TRPC4: variants seen among roughly 807,000 people sequenced by gnomAD.
TRPC4 encodes the protein transient receptor potential cation channel subfamily C member 4.
In TRPC4, 49 loss-of-function variants were observed where a neutral mutation model predicts 99.4. The observed-to-expected ratio is 0.49, with a 90% CI of 0.39 to 0.63. The LOEUF is 0.63. Among genes scored for constraint, TRPC4 ranks in the 20% least tolerant of loss-of-function variants. TRPC4 has a pLI of 0.00. For synonymous variants in TRPC4, 454 were observed against 425.9 expected, an observed-to-expected ratio of 1.07 and a Z score of -0.81; for missense variants, 898 against 1,152.9, an observed-to-expected ratio of 0.78 and a Z score of 3.20.
intron 3 of TRPC4, among the ~76,000 whole-genome samples, chr13:37,704,921 T>C (rs1405524712): frequency 6.6e-6 from 1 of 152,112 alleles, no homozygotes; most frequent in Non-Finnish European, 1.5e-5. Flanking sequence ...AGAACTACCA[T>C]ATGGTCCAGC....
At chr13:37,842,629 C>T (rs1020458466) in intron 1 of TRPC4, among the ~76,000 whole-genome samples, 2 of 152,108 alleles carry the variant, frequency 1.3e-5, no homozygotes, top group African/African-American at 4.8e-5. Flanking sequence ...CACCTTCTTG[C>T]TGTGTTCCCA....
intron 1 of TRPC4, among the ~76,000 whole-genome samples, chr13:37,853,942 CA>C (rs1343377341): frequency 6.6e-6 from 1 of 151,810 alleles, no homozygotes; most frequent in Non-Finnish European, 1.5e-5. Flanking sequence ...AAAATAGCCT[CA>C]AAAGGGTAAA....
chr13:37,700,402 G>A (rs1265330500), intron 3 of TRPC4, among the ~76,000 whole-genome samples: 2 of 152,130 alleles, frequency 1.3e-5, no homozygotes, highest in African/African-American at 2.4e-5. Flanking sequence ...CCACACAGAG[G>A]AGTGGCATGT....
intron 2 of TRPC4, among the ~76,000 whole-genome samples, chr13:37,771,611 A>G (rs1039113136): frequency 6.6e-6 from 1 of 151,442 alleles, no homozygotes; most frequent in African/African-American, 2.4e-5. Flanking sequence ...GAAAGCAGAT[A>G]TAAAGAACAA....
At chr13:37,657,176 C>T (rs183007170) in intron 6 of TRPC4, among the ~76,000 whole-genome samples, 5 of 152,234 alleles carry the variant, frequency 3.3e-5, no homozygotes, top group Non-Finnish European at 5.9e-5. Flanking sequence ...TGTAAAATGA[C>T]GGAACAACAG....
intron 1 of TRPC4, among the ~76,000 whole-genome samples, chr13:37,784,989 G>T (rs1956933714): frequency 6.6e-6 from 1 of 152,010 alleles, no homozygotes; most frequent in Non-Finnish European, 1.5e-5. Context: ...AAAAGTGAGT[G>T]TTCAATATGT....
intron 8 of TRPC4, among the ~76,000 whole-genome samples, chr13:37,644,341 C>T (rs894363216): frequency 6.6e-6 from 1 of 151,822 alleles, no homozygotes; most frequent in Non-Finnish European, 1.5e-5. Flanking sequence ...TAATGAAAGC[C>T]ATTTCATTTA....
rs368689299 is a variant in TRPC4, at chr13:37,672,719, C to T, written c.1374+1509G>A. Among the ~76,000 whole-genome samples the T allele has an allele frequency of 1.4e-4, 22 of 152,328 alleles. 1 individual carries two copies. In the South Asian group the frequency reaches 3.5e-3, roughly 24 times the overall value. ...AGCTAGGCGCTTAATCACAGACTGC[C>T]TACCTCTTACAGAAATGCATAATCT... On this transcript the variant is annotated intron_variant, in intron 5 of 10. Transcript: ENST00000379705.
chr13:37,848,961 C>A lies in TRPC4; in HGVS notation c.-28+20634G>T, dbSNP rs151190527. ...AACTATCTTGAGTATAGATAATATG[C>A]CTAAAGTCCTGCAGATGGTACCCTA... On this transcript the variant is annotated intron_variant, in intron 1 of 10. Coordinates refer to ENST00000379705, the MANE Select transcript of TRPC4 (RefSeq NM_016179.4). Among the ~76,000 whole-genome samples the A allele has an allele frequency of 2.6e-4, 39 of 152,180 alleles. No homozygotes were observed. In the South Asian group the frequency reaches 3.7e-3, roughly 15 times the overall value.
At position 37,663,633 on chromosome 13, in the gene TRPC4, G is replaced by T; in HGVS notation, c.1471C>A (p.Arg491Ser). 2 of 1,614,140 alleles carry T rather than the reference G, an allele frequency of 1.2e-6. No individual in the cohort carries two copies. The highest frequency in any genetic ancestry group is 1.1e-5 in the South Asian group (1 of 91,082). The change falls in exon 6 of 11, where the codon CGT becomes AGT. Residue 491 changes from arginine (R) to serine (S), a missense_variant. Physicochemically the swap from Arg to Ser is moderately radical, Grantham distance 110. This residue lies in a region of TRPC4 where 274 missense variants were observed against 454.9 expected (regional missense o/e 0.60). Transcript: ENST00000379705. The stretch of plus-strand genomic sequence containing the variant: ...TTTGCAGTAAACAGTGAGATCAGAC[G>T]CAGAGAACTGAAGATGTTTGCAATA... ...FAIANIFSSLRLISLFTANSH... is the reference protein window; with the variant it reads ...FAIANIFSSLSLISLFTANSH...
At chr13:37,707,856 C>T (rs993025669) in intron 3 of TRPC4, among the ~76,000 whole-genome samples, 1 of 152,152 alleles carries the variant, frequency 6.6e-6, no homozygotes, top group Non-Finnish European at 1.5e-5. Context: ...ATTCATCTTA[C>T]TCTTTCATTT....
At position 37,633,300 on chromosome 13, in the gene TRPC4, A is replaced by T. The variant is rs73184530; in HGVS notation, c.*3603T>A. Reference sequence around the variant, plus strand: ...AAAAATATATTGTAAGCATATTTACAGGGCCACAATGGATGGTTCTTACTA... The same window carrying T: ...AAAAATATATTGTAAGCATATTTACTGGGCCACAATGGATGGTTCTTACTA... On this transcript the variant is annotated 3_prime_UTR_variant, in exon 11 of 11. Coordinates refer to ENST00000379705, the MANE Select transcript of TRPC4 (RefSeq NM_016179.4). Among the ~76,000 whole-genome samples, 13,079 of 152,228 alleles carry T rather than the reference A, an allele frequency of 0.086. 787 individuals are homozygous for T. Among genetic ancestry groups the T allele is most frequent in the Middle Eastern group, 0.18 (53 of 294 alleles).
rs753914875 is a variant in TRPC4 at position 37,655,136 on chromosome 13, T to C, written c.1836A>G (p.Leu612=). 5 of 1,598,804 alleles carry C rather than the reference T, an allele frequency of 3.1e-6. No homozygotes were observed. Among genetic ancestry groups the C allele is most frequent in the Non-Finnish European group, 3.4e-6 (4 of 1,171,762 alleles). ...TCATCATAGCTATTAACATGTTGAG[T>C]AGAACAACCAGAGAGATGACATTGT... is the stretch of plus-strand genomic sequence containing the variant. ...GTYNVISLVV[L]LNMLIAMMNN... is the part of the protein sequence containing the mutation. Residue 612 remains leucine, a synonymous_variant, in exon 7 of 11, where the codon CTA becomes CTG. Transcript: ENST00000379705.
At chr13:37,785,264 G>A (rs76164589) in intron 1 of TRPC4, among the ~76,000 whole-genome samples, 1,696 of 152,122 alleles carry the variant, frequency 0.011, 25 homozygotes, top group South Asian at 0.079. Flanking sequence ...GCCTTGGAAA[G>A]GTGGTTGACA....
chr13:37,779,354 A>C (rs186561700), intron 2 of TRPC4, among the ~76,000 whole-genome samples: 32 of 152,020 alleles, frequency 2.1e-4, no homozygotes, highest in Admixed American at 3.9e-4. Context: ...ATTCCTGCTT[A>C]GTGTAGAGAA....
At chr13:37,816,647 T>A (rs1200061358) in intron 1 of TRPC4, among the ~76,000 whole-genome samples, 1 of 151,694 alleles carries the variant, frequency 6.6e-6, no homozygotes, top group Non-Finnish European at 1.5e-5. Context: ...ACAAACAGAA[T>A]AAAGTAGCAC....
chr13:37,780,243 AG>A (rs548711982), intron 2 of TRPC4, among the ~76,000 whole-genome samples: 111 of 152,274 alleles, frequency 7.3e-4, no homozygotes, highest in Admixed American at 7.9e-4. Flanking sequence ...TTTCTGAAAG[AG>A]TATATTTTGA....
At chr13:37,809,654 T>A (rs1445683428) in intron 1 of TRPC4, among the ~76,000 whole-genome samples, 1 of 152,030 alleles carries the variant, frequency 6.6e-6, no homozygotes, top group Non-Finnish European at 1.5e-5. Flanking sequence ...CAGAACCTCA[T>A]TAAAAGATTA....
chr13:37,727,645 T>C (rs1593600899), intron 3 of TRPC4, among the ~76,000 whole-genome samples: 1 of 151,876 alleles, frequency 6.6e-6, no homozygotes, highest in African/African-American at 2.4e-5. Flanking sequence ...ATCAATAAAA[T>C]TGACAAACTT....
Sources: allele counts gnomAD v4.1 joint callset (sites outside exome capture counted in the v4.1 genomes callset), GRCh38; gene constraint gnomAD v4.1.1; regional missense constraint gnomAD v4.1.1; transcripts MANE v1.5; gene names NCBI Gene and HGNC (gene_info 2026-07-23, HGNC 2026-07-21).